The following TEX9 variants were observed in gnomAD, a reference collection of about 807,000 sequenced individuals.
TEX9 encodes testis-expressed protein 9.
In TEX9, 74 loss-of-function variants were observed where a neutral mutation model predicts 59.6. The observed-to-expected ratio is 1.24, with a 90% CI of 1.03 to 1.51. The LOEUF (loss-of-function observed/expected upper bound fraction) is 1.51, where lower values mean the gene tolerates loss of function less well. Among genes scored for constraint, TEX9 ranks in the 40% most tolerant of loss-of-function variants. TEX9 has a pLI of 0.00. For missense variants in TEX9, 522 were observed against 447.8 expected (o/e 1.17, Z -1.49); for synonymous variants, 186 against 152.2 (o/e 1.22, Z -1.64).
intron 9 of TEX9, among the ~76,000 whole-genome samples, chr15:56,406,925 G>T (rs543800977): frequency 1.2e-4 from 18 of 152,168 alleles, no homozygotes; most frequent in African/African-American, 4.3e-4. Context: ...AAATTTTGAT[G>T]AATTACAAAA....
intron 1 of TEX9, among the ~76,000 whole-genome samples, chr15:56,331,249 G>A (rs1215690723): frequency 1.3e-5 from 2 of 152,152 alleles, no homozygotes; most frequent in Non-Finnish European, 2.9e-5. Flanking sequence ...AGATCATCCA[G>A]ACAGAAAATC....
intron 1 of TEX9, among the ~76,000 whole-genome samples, chr15:56,355,611 T>C (rs888372801): frequency 6.6e-6 from 1 of 152,154 alleles, no homozygotes; most frequent in Non-Finnish European, 1.5e-5. Context: ...TGTCTTTCCA[T>C]CTAATTTTAG....
At chr15:56,382,562 C>G (rs1169722782) in intron 3 of TEX9, among the ~76,000 whole-genome samples, 3 of 152,088 alleles carry the variant, frequency 2.0e-5, no homozygotes, top group Non-Finnish European at 4.4e-5. Context: ...CCCAAGGTCC[C>G]TTTATTTAGC....
chr15:56,276,968 G>C (rs938000038), intron 1 of TEX9, among the ~76,000 whole-genome samples: 4 of 151,986 alleles, frequency 2.6e-5, no homozygotes, highest in African/African-American at 9.7e-5. Flanking sequence ...GTCTTCTTTT[G>C]AGAATTGTCT....
At chr15:56,263,428 G>A (rs1263527956) in intron 1 of TEX9, among the ~76,000 whole-genome samples, 2 of 152,054 alleles carry the variant, frequency 1.3e-5, no homozygotes, top group African/African-American at 4.8e-5. Flanking sequence ...CTTTACGTTT[G>A]CCATTTTGTT....
chr15:56,304,558 T>C (rs2045433744), intron 1 of TEX9, among the ~76,000 whole-genome samples: 1 of 152,262 alleles, frequency 6.6e-6, no homozygotes, highest in African/African-American at 2.4e-5. Context: ...GATCTGTGTA[T>C]GTAGAACTAT....
rs576157514 is a variant in TEX9, at chr15:56,258,445, G to A, written c.-107+14167G>A. On this transcript the variant is annotated intron_variant, in intron 1 of 5. Coordinates refer to the TEX9 transcript ENST00000560827. ...GCATGGAATGTTTTTCCATTTGTTT[G>A]TGTCATCTCTGATTTCTTTGAGCAG... Among the ~76,000 whole-genome samples the A allele has an allele frequency of 2.0e-5, 3 of 152,186 alleles. No homozygotes were observed. The South Asian group carries it at 6.2e-4, about 32-fold the overall frequency.
intron 1 of TEX9, among the ~76,000 whole-genome samples, chr15:56,257,641 T>G (rs1254345719): frequency 6.6e-6 from 1 of 152,130 alleles, no homozygotes; most frequent in Admixed American, 6.6e-5. Flanking sequence ...TTAATCGGGT[T>G]GTTTTTTCTT....
chr15:56,280,843 G>A (rs531150892), intron 1 of TEX9, among the ~76,000 whole-genome samples: 1 of 152,188 alleles, frequency 6.6e-6, no homozygotes, highest in Non-Finnish European at 1.5e-5. Flanking sequence ...TTATTGCAAA[G>A]CCAGATGAAT....
chr15:56,359,074 G>GT, intron 1 of TEX9, among the ~76,000 whole-genome samples: 1 of 152,068 alleles, frequency 6.6e-6, no homozygotes, highest in East Asian at 1.9e-4. Flanking sequence ...TTACAAAGCT[G>GT]TTATATCTCT....
chr15:56,277,652 GC>G, intron 1 of TEX9, among the ~76,000 whole-genome samples: 1 of 152,254 alleles, frequency 6.6e-6, no homozygotes, highest in East Asian at 1.9e-4. Context: ...GGCTATATGG[GC>G]TTTTTTGGTT....
intron 1 of TEX9, among the ~76,000 whole-genome samples, chr15:56,308,900 T>C (rs1427971332): frequency 1.3e-5 from 2 of 152,188 alleles, no homozygotes; most frequent in African/African-American, 4.8e-5. Context: ...TTCTTTACCA[T>C]TGATCTGTAT....
chr15:56,271,039 A>C (rs528883586), intron 1 of TEX9, among the ~76,000 whole-genome samples: 22 of 152,114 alleles, frequency 1.4e-4, no homozygotes, highest in Non-Finnish European at 2.6e-4. Context: ...TGTGGGTAAC[A>C]TGACCTTTCT....
chr15:56,365,738 T>G, intron 2 of TEX9, 68 bp downstream of exon 2: 3 of 1,595,214 alleles, frequency 1.9e-6, no homozygotes, highest in Non-Finnish European at 2.6e-6. Context: ...ACAAGTACTT[T>G]TTTCTGGAGA....
chr15:56,281,608 C>A (rs2044822316), intron 1 of TEX9, among the ~76,000 whole-genome samples: 1 of 152,114 alleles, frequency 6.6e-6, no homozygotes. Flanking sequence ...TCCCTGGTGC[C>A]AAAAAGTTTG....
chr15:56,344,925 A>T (rs1235915430), intron 1 of TEX9, among the ~76,000 whole-genome samples: 3 of 151,756 alleles, frequency 2.0e-5, no homozygotes, highest in Admixed American at 6.6e-5. Context: ...GACCCCATCC[A>T]CAATGACTGT....
intron 10 of TEX9, among the ~76,000 whole-genome samples, chr15:56,412,863 A>G (rs2049432314): frequency 6.6e-6 from 1 of 152,102 alleles, no homozygotes; most frequent in South Asian, 2.1e-4. Flanking sequence ...AATCTCTGGG[A>G]GGGCTTGTTA....
the TEX9 span, among the ~76,000 whole-genome samples, chr15:56,451,689 G>C: frequency 6.6e-6 from 1 of 151,738 alleles, no homozygotes; most frequent in Non-Finnish European, 1.5e-5. Context: ...ACAATGGTGA[G>C]AAAACCATAT....
intron 1 of TEX9, among the ~76,000 whole-genome samples, chr15:56,333,205 C>T (rs997789401): frequency 6.6e-6 from 1 of 152,106 alleles, no homozygotes; most frequent in Non-Finnish European, 1.5e-5. Flanking sequence ...CAGACAAAGA[C>T]ACATCAAAAA....
Sources: gnomAD v4.1 joint callset for allele counts (sites outside exome capture counted in the v4.1 genomes callset) on GRCh38, gnomAD v4.1.1 for gene constraint, MANE v1.5 for transcripts, NCBI Gene and HGNC (gene_info 2026-07-23, HGNC 2026-07-21) for gene names.